The following CCDC102B variants were observed in gnomAD, a reference collection of about 807,000 sequenced individuals.
The protein encoded by CCDC102B is coiled-coil domain containing 102B.
CCDC102B carries 75 observed loss-of-function variants against 57.4 expected under a neutral mutation model. The observed-to-expected ratio is 1.31, with a 90% CI of 1.08 to 1.58. The LOEUF (loss-of-function observed/expected upper bound fraction) is 1.58, where lower values mean the gene tolerates loss of function less well. Among genes scored for constraint, CCDC102B ranks in the 40% most tolerant of loss-of-function variants. The probability of loss-of-function intolerance (pLI) is 0.00; values close to 1 mark genes in which losing one functional copy is unlikely to be tolerated. For missense variants in CCDC102B, 636 were observed against 582.6 expected (o/e 1.09, Z -0.94); for synonymous variants, 206 against 201.9 (o/e 1.02, Z -0.17).
chr18:69,012,200 G>A (rs2051537162), intron 7 of CCDC102B, among the ~76,000 whole-genome samples: 2 of 152,088 alleles, frequency 1.3e-5, no homozygotes, highest in African/African-American at 4.8e-5. Flanking sequence ...GCTCAAGAAT[G>A]TGATTTTAGG....
chr18:69,039,387 A>T (rs2052374651), intron 7 of CCDC102B, among the ~76,000 whole-genome samples: 1 of 151,916 alleles, frequency 6.6e-6, no homozygotes. Flanking sequence ...TGTTGTAATT[A>T]TTTCACTAAT....
At chr18:68,879,215 C>T (rs1209091929) in intron 5 of CCDC102B, among the ~76,000 whole-genome samples, 1 of 151,688 alleles carries the variant, frequency 6.6e-6, no homozygotes, top group Non-Finnish European at 1.5e-5. Flanking sequence ...TTCATTCCTC[C>T]CGGTGGGCTC....
At chr18:68,934,662 A>G (rs954421810) in intron 6 of CCDC102B, among the ~76,000 whole-genome samples, 1 of 151,882 alleles carries the variant, frequency 6.6e-6, no homozygotes, top group Non-Finnish European at 1.5e-5. Context: ...GAAAAACTGT[A>G]AAAAAAAGTT....
chr18:69,040,593 G>C (rs1044698535), intron 7 of CCDC102B, among the ~76,000 whole-genome samples: 9 of 151,762 alleles, frequency 5.9e-5, no homozygotes, highest in Non-Finnish European at 1.2e-4. Context: ...TTCTTGAATC[G>C]GTTGATTACT....
intron 3 of CCDC102B, among the ~76,000 whole-genome samples, chr18:68,841,385 C>T (rs1189724869): frequency 2.6e-5 from 4 of 152,104 alleles, no homozygotes; most frequent in Non-Finnish European, 5.9e-5. Context: ...GAGTACTGTT[C>T]AGTTTTATGA....
At chr18:69,009,461 C>G (rs909428562) in intron 6 of CCDC102B, among the ~76,000 whole-genome samples, 10 of 152,046 alleles carry the variant, frequency 6.6e-5, no homozygotes, top group African/African-American at 2.2e-4. Context: ...AAAAATATGA[C>G]ATAAATTCGA....
chr18:68,867,615 A>G (rs1216754297), intron 4 of CCDC102B, among the ~76,000 whole-genome samples: 1 of 152,040 alleles, frequency 6.6e-6, no homozygotes, highest in Non-Finnish European at 1.5e-5. Context: ...GAAGGGAATT[A>G]ATCTATCCCA....
chr18:68,866,745 T>A (rs1411733357), intron 4 of CCDC102B: 5 of 611,720 alleles, frequency 8.2e-6, no homozygotes, highest in Non-Finnish European at 1.6e-5. Context: ...GGTCTGGTAT[T>A]GCTTTGAGTG....
intron 6 of CCDC102B, among the ~76,000 whole-genome samples, chr18:68,918,273 A>G (rs1020521407): frequency 2.0e-5 from 3 of 152,160 alleles, no homozygotes; most frequent in Admixed American, 2.0e-4. Flanking sequence ...TAAATCTTAG[A>G]TGATTTTTGT....
At chr18:68,857,253 A>AT (rs2038476858) in intron 4 of CCDC102B, among the ~76,000 whole-genome samples, 5 of 71,266 alleles carry the variant, frequency 7.0e-5, no homozygotes, top group Non-Finnish European at 1.1e-4. Flanking sequence ...TATATTTATT[A>AT]TTTAAATATA....
intron 4 of CCDC102B, among the ~76,000 whole-genome samples, chr18:68,865,135 G>A (rs1455874895): frequency 6.6e-6 from 1 of 152,030 alleles, no homozygotes; most frequent in East Asian, 1.9e-4. Context: ...TCACAAATCA[G>A]GTTGTGTAAA....
chr18:68,762,002 A>G (rs990788310), intron 2 of CCDC102B, among the ~76,000 whole-genome samples: 1 of 152,062 alleles, frequency 6.6e-6, no homozygotes, highest in Non-Finnish European at 1.5e-5. Flanking sequence ...CTTATTTTAG[A>G]TGGTGTCCCT....
chr18:68,758,350 A>G (rs2034129689), intron 2 of CCDC102B, among the ~76,000 whole-genome samples: 1 of 151,992 alleles, frequency 6.6e-6, no homozygotes. Context: ...CAAATCAAAT[A>G]TGATCTTAAA....
chr18:68,931,612 G>A (rs2041675841), intron 6 of CCDC102B, among the ~76,000 whole-genome samples: 1 of 151,890 alleles, frequency 6.6e-6, no homozygotes, highest in Admixed American at 6.6e-5. Flanking sequence ...AGTAGGATTA[G>A]GACAAATGTC....
intron 6 of CCDC102B, among the ~76,000 whole-genome samples, chr18:68,975,150 A>G (rs2050401489): frequency 6.6e-6 from 1 of 151,990 alleles, no homozygotes; most frequent in Admixed American, 6.6e-5. Flanking sequence ...GTTGGCATCT[A>G]CCTGAGGCAC....
chr18:68,723,608 A>G (rs141264245), intron 2 of CCDC102B, among the ~76,000 whole-genome samples: 1 of 152,336 alleles, frequency 6.6e-6, no homozygotes, highest in East Asian at 1.9e-4. Context: ...GGCAGTCATT[A>G]AACCTTAAAG....
intron 6 of CCDC102B, among the ~76,000 whole-genome samples, chr18:69,003,902 G>A (rs1470607768): frequency 6.6e-6 from 1 of 151,986 alleles, no homozygotes; most frequent in Non-Finnish European, 1.5e-5. Flanking sequence ...TTGATCATTT[G>A]CCTAGTTTTC....
chr18:68,866,664 C>A (rs1599598355), intron 4 of CCDC102B: 1 of 377,334 alleles, frequency 2.7e-6, no homozygotes, highest in Non-Finnish European at 5.2e-6. Flanking sequence ...AGATTCAAAC[C>A]GCCCTTTATC....
chr18:68,950,575 A>G (rs1437582612), intron 6 of CCDC102B, among the ~76,000 whole-genome samples: 5 of 152,074 alleles, frequency 3.3e-5, no homozygotes, highest in Non-Finnish European at 5.9e-5. Context: ...TAAAGTGTCT[A>G]TTATATTTCT....
Sources: allele counts gnomAD v4.1 joint callset (sites outside exome capture counted in the v4.1 genomes callset), GRCh38; gene constraint gnomAD v4.1.1; transcripts MANE v1.5; gene names NCBI Gene and HGNC (gene_info 2026-07-23, HGNC 2026-07-21).